TFB2M: variants seen among roughly 807,000 people sequenced by gnomAD.
TFB2M encodes dimethyladenosine transferase 2, mitochondrial.
In TFB2M, 44 loss-of-function variants were observed where a neutral mutation model predicts 41.3. The ratio of observed to expected loss-of-function variants is 1.07; its 90% CI spans 0.84 to 1.37. The LOEUF (loss-of-function observed/expected upper bound fraction) is 1.37, where lower values mean the gene tolerates loss of function less well. Among genes scored for constraint, TFB2M ranks in the 40% most tolerant of loss-of-function variants. The probability of loss-of-function intolerance (pLI) is 0.00; values close to 1 mark genes in which losing one functional copy is unlikely to be tolerated. For synonymous variants in TFB2M, 188 were observed against 176.8 expected (o/e 1.06, Z -0.50); for missense variants, 496 against 490.2 (o/e 1.01, Z -0.11).
chr1:246,549,956 G>A (rs897380052), intron 5 of TFB2M, among the ~76,000 whole-genome samples: 2 of 152,144 alleles, frequency 1.3e-5, no homozygotes, highest in African/African-American at 4.8e-5. Context: ...AGGAAAACCT[G>A]CAAGACACTG....
chr1:246,564,771 T>C (rs927082801), intron 1 of TFB2M, among the ~76,000 whole-genome samples: 11 of 151,730 alleles, frequency 7.2e-5, no homozygotes, highest in Non-Finnish European at 1.0e-4. Context: ...CCTCTGCCTC[T>C]TGGGTTCAAG....
rs1299189604 is a variant in TFB2M, at chr1:246,561,199, C to CTA, written c.402+3146_402+3147insTA. 1.3e-3 allele frequency among the ~76,000 whole-genome samples: 200 copies of CTA among 152,278 alleles called. 1 individual carries two copies. The highest frequency in any genetic ancestry group is 4.6e-3 in the African/African-American group (191 of 41,556). On this transcript the variant is annotated intron_variant, in intron 2 of 7. Transcript: ENST00000366514. ...TGAATGGCTTTTCAATTTATCATAA[C>CTA]AATGGTTACTAAAAAGTGAGAGAAT...
At chr1:246,545,634 G>A (rs969718296) in intron 6 of TFB2M, among the ~76,000 whole-genome samples, 11 of 151,806 alleles carry the variant, frequency 7.2e-5, no homozygotes, top group Non-Finnish European at 1.3e-4. Context: ...ACAACATGGC[G>A]AAACCCTGTC....
intron 2 of TFB2M, among the ~76,000 whole-genome samples, chr1:246,563,312 C>T (rs761834426): frequency 3.0e-4 from 46 of 151,066 alleles, no homozygotes; most frequent in African/African-American, 8.0e-4. Context: ...CATATAAATT[C>T]GGAGTCAGGA....
chr1:246,546,474 G>C (rs1299892698), intron 6 of TFB2M, among the ~76,000 whole-genome samples: 12 of 151,936 alleles, frequency 7.9e-5, no homozygotes, highest in Non-Finnish European at 4.4e-5. Context: ...AATTAGCCCT[G>C]CGTGGTGGAG....
chr1:246,553,269 G>A (rs1196557598), intron 4 of TFB2M, among the ~76,000 whole-genome samples: 1 of 152,030 alleles, frequency 6.6e-6, no homozygotes, highest in Non-Finnish European at 1.5e-5. Context: ...CAAAGCTGCA[G>A]GATACAAAAA....
chr1:246,565,727 A>T (rs1443283573), intron 1 of TFB2M, 99 bp downstream of exon 1: 1 of 1,325,712 alleles, frequency 7.5e-7, no homozygotes, highest in East Asian at 2.3e-5. Flanking sequence ...AAAGAACAAC[A>T]AAAAAGACCC....
intron 7 of TFB2M, 54 bp downstream of exon 7, chr1:246,544,464 AAAG>A (rs1658944048): frequency 6.9e-7 from 1 of 1,451,864 alleles, no homozygotes; most frequent in Admixed American, 2.4e-5. Flanking sequence ...CTCTAGCATG[AAAG>A]AATAATTTGT....
At chr1:246,555,191 T>G (rs1659288638) in intron 4 of TFB2M, among the ~76,000 whole-genome samples, 1 of 152,130 alleles carries the variant, frequency 6.6e-6, no homozygotes, top group Admixed American at 6.5e-5. Flanking sequence ...AGAAAACGAC[T>G]CTCAGTAATG....
intron 6 of TFB2M, 90 bp from the exon 7 acceptor site, chr1:246,544,771 A>T: frequency 8.7e-7 from 1 of 1,147,648 alleles, no homozygotes; most frequent in Non-Finnish European, 1.2e-6. Context: ...ATCTGCTGAA[A>T]GACACAATCA....
intron 2 of TFB2M, among the ~76,000 whole-genome samples, chr1:246,560,316 G>A (rs1291078672): frequency 6.6e-6 from 1 of 152,176 alleles, no homozygotes; most frequent in Admixed American, 6.5e-5. Flanking sequence ...AGTCCCAGGA[G>A]TTTGAGACCA....
Position 246,544,741 on chromosome 1 carries a change from C to T in TFB2M, c.859-60G>A. 5 of 1,439,538 alleles carry T rather than the reference C, an allele frequency of 3.5e-6. No individual in the cohort carries two copies. In the South Asian group the frequency reaches 5.4e-5, roughly 15 times the overall value. The allele number at this position is 1,439,538 out of a possible 1,614,324, so 89.2% of individuals were successfully genotyped here. Reference sequence around the variant, plus strand: ...AAAATATTGCCAGAGTAAGACATTGCTCACTTCTTCCTTCAAGCTATCTGC... The same window carrying T: ...AAAATATTGCCAGAGTAAGACATTGTTCACTTCTTCCTTCAAGCTATCTGC... On this transcript the variant is annotated intron_variant, in intron 6 of 7. Coordinates refer to ENST00000366514, the MANE Select transcript of TFB2M (RefSeq NM_022366.3).
At chr1:246,550,784 G>A (rs1303035530) in intron 5 of TFB2M, among the ~76,000 whole-genome samples, 2 of 152,206 alleles carry the variant, frequency 1.3e-5, no homozygotes, top group East Asian at 3.9e-4. Flanking sequence ...TCGGGAGGCC[G>A]AGGCAGGGGA....
chr1:246,547,416 C>T (rs886091376), intron 6 of TFB2M, among the ~76,000 whole-genome samples: 1 of 152,146 alleles, frequency 6.6e-6, no homozygotes, highest in Non-Finnish European at 1.5e-5. Context: ...TCCAAATGTA[C>T]TGTATTAGAC....
intron 2 of TFB2M, among the ~76,000 whole-genome samples, chr1:246,560,991 T>C (rs543032166): frequency 5.5e-4 from 84 of 152,296 alleles, no homozygotes; most frequent in South Asian, 2.9e-3. Context: ...CGGTCACCTG[T>C]AATCCCAGCT....
chr1:246,565,923 CT>C lies in TFB2M; in HGVS notation c.215del (p.Lys72SerfsTer4), dbSNP rs757640200. The C allele has an allele frequency of 6.2e-7, 1 of 1,614,204 alleles. No homozygotes were observed. Among genetic ancestry groups the C allele is most frequent in the Non-Finnish European group, 8.5e-7 (1 of 1,180,028 alleles). On this transcript the variant is annotated frameshift_variant, in exon 1 of 8. Coordinates refer to ENST00000366514, the MANE Select transcript of TFB2M (RefSeq NM_022366.3). LOFTEE classifies it high-confidence loss of function. ...RKASKASLDF[K>X]RYVTDRRLAE... ...CCAATCTCCGATCGGTTACGTAACGCTTAAAGTCTAAGCTGGCCTTAGACGC... is the reference window on the plus strand; with the variant it reads ...CCAATCTCCGATCGGTTACGTAACGCTAAAGTCTAAGCTGGCCTTAGACGC...
Position 246,548,575 on chromosome 1 carries a change from C to A in TFB2M, c.828G>T (p.Arg276=). The A allele has an allele frequency of 6.2e-7, 1 of 1,613,434 alleles. No individual in the cohort carries two copies. The highest frequency in any genetic ancestry group is 8.5e-7 in the Non-Finnish European group (1 of 1,179,766). ...GCTTTGGGTTTTCCAGCGGCCCTTT[C>A]CGGGTGTATATATCAAATGATGACC... ...EPWSSFDIYT[R]KGPLENPKRR... The change falls in exon 6 of 8, where the codon CGG becomes CGT. Residue 276 remains arginine, a synonymous_variant. Transcript: ENST00000366514.
intron 4 of TFB2M, among the ~76,000 whole-genome samples, chr1:246,554,424 C>T (rs1029040985): frequency 5.9e-5 from 9 of 152,256 alleles, no homozygotes; most frequent in South Asian, 2.1e-4. Flanking sequence ...TTCACATCAC[C>T]GCCTGAGCTC....
At chr1:246,559,800 T>TA (rs1412581554) in intron 2 of TFB2M, among the ~76,000 whole-genome samples, 3 of 152,202 alleles carry the variant, frequency 2.0e-5, no homozygotes, top group African/African-American at 7.2e-5. Flanking sequence ...GAAGGTAATT[T>TA]AAGTCAGGGG....
Sources: gnomAD v4.1 joint callset for allele counts (sites outside exome capture counted in the v4.1 genomes callset) on GRCh38, gnomAD v4.1.1 for gene constraint, MANE v1.5 for transcripts, NCBI Gene and HGNC (gene_info 2026-07-23, HGNC 2026-07-21) for gene names.